Variants in KANK4 observed in about 807,000 individuals in gnomAD.
The protein encoded by KANK4 is KN motif and ankyrin repeat domains 4.
KANK4 carries 50 observed loss-of-function variants against 80.8 expected under a neutral mutation model. The observed-to-expected ratio is 0.62, with a 90% CI of 0.49 to 0.78. KANK4 has a LOEUF of 0.78. KANK4 is among the 30% of genes least tolerant of loss of function. The probability of loss-of-function intolerance (pLI) is 0.00; values close to 1 mark genes in which losing one functional copy is unlikely to be tolerated. For synonymous variants in KANK4, 465 were observed against 506.9 expected, an observed-to-expected ratio of 0.92 and a Z score of 1.11; for missense variants, 1,196 against 1,240.1, an observed-to-expected ratio of 0.96 and a Z score of 0.53.
chr1:62,318,016 C>T (rs1003417198), intron 1 of KANK4, among the ~76,000 whole-genome samples: 1 of 152,192 alleles, frequency 6.6e-6, no homozygotes, highest in African/African-American at 2.4e-5. Context: ...CGGACTCTGC[C>T]TCCATTCCCA....
At chr1:62,243,556 C>G (rs1381562589) in intron 9 of KANK4, among the ~76,000 whole-genome samples, 1 of 152,126 alleles carries the variant, frequency 6.6e-6, no homozygotes, top group Non-Finnish European at 1.5e-5. Flanking sequence ...CCAGGCTGGT[C>G]TTGAACTCCT....
intron 7 of KANK4, among the ~76,000 whole-genome samples, chr1:62,258,008 T>C (rs1374186525): frequency 6.6e-6 from 1 of 152,162 alleles, no homozygotes; most frequent in Admixed American, 6.5e-5. Flanking sequence ...ATGCACATAA[T>C]GGATGTTCCC....
intron 1 of KANK4, among the ~76,000 whole-genome samples, chr1:62,299,899 T>G (rs1644397201): frequency 6.6e-6 from 1 of 152,132 alleles, no homozygotes; most frequent in African/African-American, 2.4e-5. Flanking sequence ...GTGCTGCCAG[T>G]GCACACAATG....
In KANK4 at chr1:62,273,924, G is replaced by C. The variant is rs141837110; in HGVS notation, c.1180C>G (p.Leu394Val). ...IRELEFTVAQ[L>V]EGQFHQENAK... The stretch of plus-strand genomic sequence containing the variant: ...TTCTCTTGGTGAAACTGTCCTTCCA[G>C]TTGGGCTACAGTGAACTCCAGCTCT... Residue 394 changes from leucine (L) to valine (V), a missense_variant, in exon 3 of 10, where the codon CTG (leucine) becomes GTG (valine). Physicochemically the swap from Leu to Val is conservative, Grantham distance 32. This residue lies in a region of KANK4 where 1,154 missense variants were observed against 1,179.6 expected (regional missense o/e 0.98). Coordinates refer to ENST00000371153, the MANE Select transcript of KANK4 (RefSeq NM_181712.5). 4.2e-5 allele frequency: 68 copies of C among 1,614,204 alleles called. No individual in the cohort carries two copies. The African/African-American group carries it at 7.6e-4, about 18-fold the overall frequency.
At chr1:62,278,686 C>A (rs1177829432) in intron 2 of KANK4, among the ~76,000 whole-genome samples, 1 of 152,022 alleles carries the variant, frequency 6.6e-6, no homozygotes, top group Non-Finnish European at 1.5e-5. Flanking sequence ...TGAGCCACCA[C>A]GCCCGGCTGA....
intron 1 of KANK4, chr1:62,298,284 C>T (rs1251937632): frequency 6.6e-6 from 1 of 152,176 alleles, no homozygotes; most frequent in South Asian, 2.1e-4. Flanking sequence ...CCAGCCAGCC[C>T]TCCAGGTAAT....
Position 62,238,093 on chromosome 1 carries a change from A to G in KANK4, c.*184T>C. ...CCCGTGTAGTTTTCAGGCTTGGCCT[A>G]AGGCAAAAACTACAAAGCATCCTAA... On this transcript the variant is annotated 3_prime_UTR_variant, in exon 10 of 10. Coordinates refer to ENST00000371153, the MANE Select transcript of KANK4 (RefSeq NM_181712.5). The G allele has an allele frequency of 1.9e-6, 1 of 534,832 alleles. No homozygotes were observed. The highest frequency in any genetic ancestry group is 3.4e-6 in the Non-Finnish European group (1 of 292,792). The allele number at this position is 534,832 out of a possible 1,614,324, so 33.1% of individuals were successfully genotyped here. A position where few individuals can be genotyped will look rare whatever the true frequency, so the allele number is the denominator to read the frequency against.
rs34091753 is a variant in KANK4, at chr1:62,307,758, A to AT, written c.-71+11347dup. On this transcript the variant is annotated intron_variant, in intron 1 of 9. Coordinates refer to ENST00000371153, the MANE Select transcript of KANK4 (RefSeq NM_181712.5). ...CTCAAGGCTAGTGTTGCCAGACCTGATTTTTTTTTTTTTTCAAAAGAAGCT... is the reference window on the plus strand; with the variant it reads ...CTCAAGGCTAGTGTTGCCAGACCTGATTTTTTTTTTTTTTTCAAAAGAAGCT... Among the ~76,000 whole-genome samples, 715 of 145,206 alleles carry AT rather than the reference A, an allele frequency of 4.9e-3. 4 individuals carry two copies. The highest frequency in any genetic ancestry group is 0.012 in the African/African-American group (472 of 39,616).
intron 1 of KANK4, among the ~76,000 whole-genome samples, chr1:62,314,053 G>A (rs1363808192): frequency 2.6e-5 from 4 of 152,032 alleles, no homozygotes; most frequent in South Asian, 2.1e-4. Flanking sequence ...TGCTCTTGCC[G>A]CCCAGGCTGG....
At chr1:62,273,093 TAA>T in intron 3 of KANK4, 109 bp downstream of exon 3, 4 of 801,000 alleles carry the variant, frequency 5.0e-6, no homozygotes, top group Non-Finnish European at 7.4e-6. Flanking sequence ...TCCCAGCTGC[TAA>T]AATCTTTTTA....
At chr1:62,290,086 A>G (rs1672649296) in intron 1 of KANK4, among the ~76,000 whole-genome samples, 1 of 152,232 alleles carries the variant, frequency 6.6e-6, no homozygotes, top group Non-Finnish European at 1.5e-5. Flanking sequence ...GAGTAAATAC[A>G]TTGGTTATTT....
At chr1:62,276,854 C>A (rs1672327149) in intron 2 of KANK4, among the ~76,000 whole-genome samples, 1 of 151,740 alleles carries the variant, frequency 6.6e-6, no homozygotes, top group African/African-American at 2.4e-5. Context: ...GATAAACATT[C>A]AGTTTATCTT....
chr1:62,263,327 A>C lies in KANK4; in HGVS notation c.2320-16T>G. The C allele has an allele frequency of 5.0e-6, 8 of 1,608,202 alleles. No homozygotes were observed. Among genetic ancestry groups the C allele is most frequent in the Non-Finnish European group, 6.0e-6 (7 of 1,176,428 alleles). On this transcript the variant is annotated splice_polypyrimidine_tract_variant and intron_variant, in intron 6 of 9. Transcript: ENST00000371153. ...AGCTTTGCCTCTGAAACCCCAAAAA[A>C]GACCAATTCCAAGAGGTTCCCCGGC...
At chr1:62,297,485 C>G (rs1644376278) in intron 1 of KANK4, among the ~76,000 whole-genome samples, 1 of 152,172 alleles carries the variant, frequency 6.6e-6, no homozygotes, top group Non-Finnish European at 1.5e-5. Context: ...GAGCTCTTAA[C>G]AACAGTGTTC....
chr1:62,314,077 G>A (rs961737194), intron 1 of KANK4, among the ~76,000 whole-genome samples: 7 of 152,078 alleles, frequency 4.6e-5, no homozygotes, highest in African/African-American at 1.4e-4. Context: ...ACAGTGGCGC[G>A]ATCTCGGCTC....
chr1:62,302,960 CT>C (rs1393334938), intron 1 of KANK4, among the ~76,000 whole-genome samples: 3 of 151,952 alleles, frequency 2.0e-5, no homozygotes, highest in Non-Finnish European at 4.4e-5. Context: ...GAAGAGAAGG[CT>C]TTCAAAGTTT....
At chr1:62,251,760 G>C (rs1324724412) in intron 8 of KANK4, among the ~76,000 whole-genome samples, 1 of 152,174 alleles carries the variant, frequency 6.6e-6, no homozygotes, top group East Asian at 1.9e-4. Flanking sequence ...TTGAAAGCCC[G>C]AGGCGGGTGG....
rs1553130387 is a variant in KANK4 at position 62,274,914 on chromosome 1, C to T, written c.190G>A (p.Ala64Thr). 2 of 1,614,120 alleles carry T rather than the reference C, an allele frequency of 1.2e-6. No individual in the cohort carries two copies. Among genetic ancestry groups the T allele is most frequent in the Non-Finnish European group, 1.7e-6 (2 of 1,180,024 alleles). ...TTTCGGGGCAGAGTGCTAAATTTGGCCTGCTTGGCCCTTCTGTGGATAGGA... is the reference window on the plus strand; with the variant it reads ...TTTCGGGGCAGAGTGCTAAATTTGGTCTGCTTGGCCCTTCTGTGGATAGGA... ...RIPIHRRAKQAKFSTLPRNFS... is the reference protein window; with the variant it reads ...RIPIHRRAKQTKFSTLPRNFS... Residue 64 changes from alanine to threonine, a missense_variant, in exon 3 of 10, where the codon GCC (alanine) becomes ACC (threonine). Transcript: ENST00000371153.
intron 1 of KANK4, among the ~76,000 whole-genome samples, chr1:62,315,435 T>C (rs998724762): frequency 3.9e-5 from 6 of 152,188 alleles, no homozygotes; most frequent in African/African-American, 2.4e-5. Flanking sequence ...TGGCAGTAAC[T>C]AACTCTAGGA....
Sources: allele counts gnomAD v4.1 joint callset (sites outside exome capture counted in the v4.1 genomes callset), GRCh38; gene constraint gnomAD v4.1.1; regional missense constraint gnomAD v4.1.1; transcripts MANE v1.5; gene names NCBI Gene and HGNC (gene_info 2026-07-23, HGNC 2026-07-21).